The following SLC12A6 variants were observed in gnomAD, a reference collection of about 807,000 sequenced individuals.
SLC12A6 encodes the protein solute carrier family 12 member 6.
A neutral mutation model predicts 135.3 loss-of-function variants in SLC12A6; 66 were observed. That is an observed-to-expected ratio of 0.49 (90% CI 0.40 to 0.60). The LOEUF (loss-of-function observed/expected upper bound fraction) is 0.60. Ranked by LOEUF, SLC12A6 falls within the 20% of genes least tolerant of loss-of-function variation. The probability of loss-of-function intolerance (pLI) is 0.00; values close to 1 mark genes in which losing one functional copy is unlikely to be tolerated. For synonymous variants in SLC12A6, 513 were observed against 508.8 expected (o/e 1.01, Z -0.11); for missense variants, 1,058 against 1,452.3 (o/e 0.73, Z 4.41).
intron 24 of SLC12A6, 64 bp downstream of exon 24, chr15:34,235,951 C>A: frequency 2.3e-6 from 3 of 1,279,072 alleles, no homozygotes; most frequent in Non-Finnish European, 3.4e-6. Context: ...TGTGTCCAGG[C>A]AAAGTCACAT....
chr15:34,334,712 AT>A (rs1178013107), intron 2 of SLC12A6, among the ~76,000 whole-genome samples: 2 of 152,250 alleles, frequency 1.3e-5, no homozygotes, highest in Non-Finnish European at 2.9e-5. Flanking sequence ...GGAATGTGTT[AT>A]ATAGAGAACC....
At chr15:34,265,192 G>A (rs1333681528) in intron 3 of SLC12A6, among the ~76,000 whole-genome samples, 2 of 151,746 alleles carry the variant, frequency 1.3e-5, no homozygotes, top group Admixed American at 6.5e-5. Context: ...GCGAGACTCC[G>A]TCTCAAAAAA....
intron 4 of SLC12A6, among the ~76,000 whole-genome samples, chr15:34,260,566 T>C (rs553309530): frequency 3.3e-5 from 5 of 152,124 alleles, no homozygotes; most frequent in Non-Finnish European, 7.4e-5. Flanking sequence ...CCTTGTTTAG[T>C]TAGTTCTAAG....
rs79889128 is a variant in SLC12A6, at chr15:34,253,983, A to G, written c.1118+365T>C. 2.8e-4 allele frequency among the ~76,000 whole-genome samples: 42 copies of G among 152,354 alleles called. 1 individual carries two copies. In the East Asian group the frequency reaches 6.7e-3, roughly 24 times the overall value. ...TGTAATCCCAGCACGTCGGGAGGCC[A>G]AGGTGGGCCTTATAAAGGTTGCTGG... On this transcript the variant is annotated intron_variant, in intron 9 of 25. Coordinates refer to ENST00000354181, the MANE Select transcript of SLC12A6 (RefSeq NM_001365088.1).
intron 3 of SLC12A6, among the ~76,000 whole-genome samples, chr15:34,261,977 C>A (rs1261739130): frequency 2.0e-5 from 3 of 152,150 alleles, no homozygotes; most frequent in Non-Finnish European, 4.4e-5. Flanking sequence ...ACTACCATTC[C>A]ACCCGGCAAT....
At chr15:34,283,387 A>AT (rs1319579460) in intron 2 of SLC12A6, among the ~76,000 whole-genome samples, 1 of 144,586 alleles carries the variant, frequency 6.9e-6, no homozygotes, top group Non-Finnish European at 1.5e-5. Flanking sequence ...TAATAAGATA[A>AT]TTTCAGCTTA....
Position 34,254,398 on chromosome 15 carries a change from C to T in SLC12A6, c.1068G>A (p.Leu356=), listed in dbSNP as rs897625632. The change falls in exon 9 of 26, where the codon TTG becomes TTA. Residue 356 remains leucine, a synonymous_variant. Coordinates refer to ENST00000354181, the MANE Select transcript of SLC12A6 (RefSeq NM_001365088.1). ...LFLACVIVSI[L]AIYAGAIKSS... ...ACTTGATGGCTCCAGCATAGATGGC[C>T]AAGATGGACACAATGACACAGGCCA... The T allele has an allele frequency of 2.5e-6, 4 of 1,613,582 alleles. No homozygotes were observed. The highest frequency in any genetic ancestry group is 3.4e-6 in the Non-Finnish European group (4 of 1,179,512).
At chr15:34,305,174 G>A (rs980972970) in intron 2 of SLC12A6, among the ~76,000 whole-genome samples, 1 of 152,154 alleles carries the variant, frequency 6.6e-6, no homozygotes, top group African/African-American at 2.4e-5. Context: ...AATCCTTGGA[G>A]CTCAAAAATT....
At chr15:34,297,290 G>A (rs1054017451) in intron 2 of SLC12A6, among the ~76,000 whole-genome samples, 4 of 151,862 alleles carry the variant, frequency 2.6e-5, no homozygotes, top group South Asian at 2.1e-4. Context: ...TAGTGACAAC[G>A]TTCCTTTTTA....
chr15:34,238,049 A>G (rs576068648), intron 21 of SLC12A6, among the ~76,000 whole-genome samples, 183 bp downstream of exon 21: 5 of 152,338 alleles, frequency 3.3e-5, no homozygotes, highest in South Asian at 2.1e-4. Context: ...ATAAGTAGGT[A>G]TCAAATACAA....
chr15:34,276,895 C>A (rs1014210412), intron 2 of SLC12A6, among the ~76,000 whole-genome samples: 3 of 152,104 alleles, frequency 2.0e-5, no homozygotes, highest in African/African-American at 7.2e-5. Context: ...ATTCCAGTTT[C>A]TGATGTATAT....
In SLC12A6 at chr15:34,272,801, A is replaced by G. The variant is rs537390793; in HGVS notation, c.316+2544T>C. ...GCTTAGTAATACTAGAACTGTATCA[A>G]CTTTTGACTGTCCATTTCACTAGCT... On this transcript the variant is annotated intron_variant, in intron 3 of 25. Transcript: ENST00000354181. Among the ~76,000 whole-genome samples, 3 of 152,336 alleles carry G rather than the reference A, an allele frequency of 2.0e-5. No homozygotes were observed. The South Asian group carries it at 6.2e-4, about 32-fold the overall frequency.
intron 13 of SLC12A6, among the ~76,000 whole-genome samples, chr15:34,249,875 TTTCTTA>T (rs747190943): frequency 7.2e-5 from 11 of 152,216 alleles, no homozygotes; most frequent in Admixed American, 2.6e-4. Flanking sequence ...ATTCATATAT[TTTCTTA>T]TTGTTAGTCA....
chr15:34,320,687 C>T (rs140192607), intron 2 of SLC12A6, among the ~76,000 whole-genome samples: 1,576 of 149,576 alleles, frequency 0.011, 12 homozygotes, highest in Middle Eastern at 0.038. Flanking sequence ...GAGGCCGAGG[C>T]GGGTGGATCA....
At chr15:34,275,769 C>G (rs1046427706) in intron 2 of SLC12A6, among the ~76,000 whole-genome samples, 2 of 152,056 alleles carry the variant, frequency 1.3e-5, no homozygotes, top group Non-Finnish European at 2.9e-5. Flanking sequence ...GAAAATTATT[C>G]AGCTATAAAA....
At chr15:34,304,606 T>G (rs1896476318) in intron 2 of SLC12A6, among the ~76,000 whole-genome samples, 2 of 152,212 alleles carry the variant, frequency 1.3e-5, no homozygotes, top group African/African-American at 4.8e-5. Context: ...TGTACCTCAT[T>G]TTGGTTTTGA....
At chr15:34,275,322 C>T in intron 3 of SLC12A6, 23 bp downstream of exon 3, 1 of 1,288,264 alleles carries the variant, frequency 7.8e-7, no homozygotes. Context: ...TGGATAAAGT[C>T]AATCCCCACA....
chr15:34,300,403 A>G (rs561058198), intron 2 of SLC12A6, among the ~76,000 whole-genome samples: 15 of 152,260 alleles, frequency 9.9e-5, no homozygotes, highest in African/African-American at 3.6e-4. Flanking sequence ...ACAGTACAAC[A>G]TTGTTGGAAA....
At chr15:34,261,253 T>C (rs1893103646) in intron 3 of SLC12A6, among the ~76,000 whole-genome samples, 1 of 151,892 alleles carries the variant, frequency 6.6e-6, no homozygotes, top group Non-Finnish European at 1.5e-5. Context: ...TCCTTAACAA[T>C]AATCAAGACC....
Sources: gnomAD v4.1 joint callset for allele counts (sites outside exome capture counted in the v4.1 genomes callset) on GRCh38, gnomAD v4.1.1 for gene constraint, MANE v1.5 for transcripts, NCBI Gene and HGNC (gene_info 2026-07-23, HGNC 2026-07-21) for gene names.